TRIM54: variants seen among roughly 807,000 people sequenced by gnomAD.
TRIM54 encodes the protein tripartite motif containing 54.
In TRIM54, 40 loss-of-function variants were observed where a neutral mutation model predicts 42.0. That is an observed-to-expected ratio of 0.95 (90% CI 0.74 to 1.24). The LOEUF (loss-of-function observed/expected upper bound fraction) is 1.24, where lower values mean the gene tolerates loss of function less well. TRIM54 is among the 50% of genes most tolerant of loss of function. The pLI is 0.00. For missense variants in TRIM54, 485 were observed against 480.3 expected (o/e 1.01, Z -0.09); for synonymous variants, 199 against 194.9 (o/e 1.02, Z -0.17).
In TRIM54 at chr2:27,306,398, C is replaced by A; in HGVS notation, c.992-58C>A. ...CGGACCCTCTGTGTGGGGGGTGCGG[C>A]GGGCACGATGGCCGTAAAGGCAGGG... On this transcript the variant is annotated intron_variant, in intron 7 of 8. Coordinates refer to ENST00000380075, the MANE Select transcript of TRIM54 (RefSeq NM_187841.3). The surrounding 1 kb of genome is among the most constrained non-coding windows in gnomAD (Gnocchi z 6.1). The A allele has an allele frequency of 6.2e-7, 1 of 1,612,826 alleles. No homozygotes were observed. Among genetic ancestry groups the A allele is most frequent in the Admixed American group, 1.7e-5 (1 of 59,878 alleles).
At chr2:27,288,071 A>G (rs957243286) in intron 1 of TRIM54, among the ~76,000 whole-genome samples, 3 of 152,244 alleles carry the variant, frequency 2.0e-5, no homozygotes, top group East Asian at 1.9e-4. Flanking sequence ...AGTCCCTCTT[A>G]TACCTGCAGC....
In TRIM54 at chr2:27,305,067, TGGAG is replaced by T. The variant is rs759727349; in HGVS notation, c.609+23_609+26del. 6 of 1,611,116 alleles carry T rather than the reference TGGAG, an allele frequency of 3.7e-6. No individual in the cohort carries two copies. Among genetic ancestry groups the T allele is most frequent in the Non-Finnish European group, 5.1e-6 (6 of 1,178,014 alleles). On this transcript the variant is annotated intron_variant, in intron 4 of 8. Coordinates refer to ENST00000380075, the MANE Select transcript of TRIM54 (RefSeq NM_187841.3). ...CCAGACTATCGAGGTGAGCCTGGGC[TGGAG>T]GGAGGGAGGAACAGCAACTGGCTAG...
chr2:27,302,895 T>C (rs1235180708), intron 3 of TRIM54, among the ~76,000 whole-genome samples: 1 of 152,190 alleles, frequency 6.6e-6, no homozygotes, highest in Non-Finnish European at 1.5e-5. Context: ...GCCCTCACTT[T>C]CCTCATGTGT....
Position 27,307,259 on chromosome 2 carries a change from T to A in TRIM54, c.*374T>A, listed in dbSNP as rs1172662461. 2 of 563,424 alleles carry A rather than the reference T, an allele frequency of 3.5e-6. No individual in the cohort carries two copies. The highest frequency in any genetic ancestry group is 4.8e-4 in the Middle Eastern group (1 of 2,078). 34.9% of individuals were successfully genotyped at this position (563,424 alleles called of 1,614,324 possible). A position where few individuals can be genotyped will look rare whatever the true frequency, so the allele number is the denominator to read the frequency against. Reference sequence around the variant, plus strand: ...GATTTGGGGACCCTTGGGGTCCACATGCACCTGGCTGACCTGGCTGAAAGC... The same window carrying A: ...GATTTGGGGACCCTTGGGGTCCACAAGCACCTGGCTGACCTGGCTGAAAGC... On this transcript the variant is annotated 3_prime_UTR_variant, in exon 9 of 9. Transcript: ENST00000380075. This position sits in a 1 kb window ranked among gnomAD's most constrained non-coding sequence, Gnocchi z 6.9.
rs1008601800 is a variant in TRIM54, at chr2:27,306,950, C to T, written c.*65C>T. ...GAGTCGGGGAGGATCTGCGCAGAGA[C>T]CGCAGCATCACCCAAATCGGCGCCG... On this transcript the variant is annotated 3_prime_UTR_variant, in exon 9 of 9. Transcript: ENST00000380075. This position sits in a 1 kb window ranked among gnomAD's most constrained non-coding sequence, Gnocchi z 6.1. The T allele has an allele frequency of 5.6e-5, 15 of 268,984 alleles. No individual in the cohort carries two copies. Among genetic ancestry groups the T allele is most frequent in the African/African-American group, 3.2e-4 (14 of 44,336 alleles). 16.7% of individuals were successfully genotyped at this position (268,984 alleles called of 1,614,324 possible).
Position 27,306,513 on chromosome 2 carries a change from C to T in TRIM54, c.1049C>T (p.Pro350Leu), listed in dbSNP as rs748674441. 5.4e-5 allele frequency: 84 copies of T among 1,568,430 alleles called. No individual in the cohort carries two copies. The highest frequency in any genetic ancestry group is 1.9e-4 in the Middle Eastern group (1 of 5,172). ...GACGGAGAGGAGGGCAGCGCGGGGC[C>T]GGAGGAAGAGCGGCCGGATGGGCCT... The part of the protein sequence containing the change: ...APDGEEGSAG[P>L]EEERPDGP The change falls in exon 8 of 9, where the codon CCG becomes CTG. Residue 350 changes from proline (P) to leucine (L), a missense_variant. Physicochemically the swap from Pro to Leu is moderately conservative, Grantham distance 98 (BLOSUM62 -3). Coordinates refer to ENST00000380075, the MANE Select transcript of TRIM54 (RefSeq NM_187841.3). The surrounding 1 kb of genome is among the most constrained non-coding windows in gnomAD (Gnocchi z 6.1).
chr2:27,299,330 G>T lies in TRIM54; in HGVS notation c.427G>T (p.Val143Leu). ...KINIYCLSCE[V>L]PTCSLCKVFG... The stretch of plus-strand genomic sequence containing the variant: ...CAATATTTACTGCCTGAGCTGTGAG[G>T]TGCCCACCTGCTCTCTCTGCAAGGT... The change falls in exon 3 of 9, where the codon GTG (valine) becomes TTG (leucine). Residue 143 changes from valine to leucine, a missense_variant. By Grantham distance (32) the Val-to-Leu change is conservative. Coordinates refer to ENST00000380075, the MANE Select transcript of TRIM54 (RefSeq NM_187841.3). 6.2e-7 allele frequency: 1 copy of T among 1,614,138 alleles called. No homozygotes were observed. The highest frequency in any genetic ancestry group is 8.5e-7 in the Non-Finnish European group (1 of 1,180,032).
rs529835226 is a variant in TRIM54, at chr2:27,299,343, C to G, written c.440C>G (p.Ser147Cys). The change falls in exon 3 of 9, where the codon TCT becomes TGT. Residue 147 changes from serine (S) to cysteine (C), a missense_variant. Ser to Cys is a moderately radical substitution (Grantham distance 112). Transcript: ENST00000380075. ...YCLSCEVPTC[S>C]LCKVFGAHKD... ...CTGAGCTGTGAGGTGCCCACCTGCT[C>G]TCTCTGCAAGGTCTTCGGTGCCCAC... 1.9e-6 allele frequency: 3 copies of G among 1,614,164 alleles called. No homozygotes were observed. Among genetic ancestry groups the G allele is most frequent in the Non-Finnish European group, 2.5e-6 (3 of 1,180,042 alleles).
In TRIM54 at chr2:27,305,811, T is replaced by C; in HGVS notation, c.837T>C (p.Tyr279=). The change falls in exon 5 of 9, where the codon TAT becomes TAC. Residue 279 remains tyrosine, a synonymous_variant. Coordinates refer to ENST00000380075, the MANE Select transcript of TRIM54 (RefSeq NM_187841.3). ...QSMEEPQMAL[Y]LQQAKELINK... is the part of the protein sequence containing the mutation. ...TGGAAGAGCCACAAATGGCGCTGTATCTCCAGGTGGGCTCTAGGGGAGGGT... is the reference window on the plus strand; with the variant it reads ...TGGAAGAGCCACAAATGGCGCTGTACCTCCAGGTGGGCTCTAGGGGAGGGT... 6.3e-7 allele frequency: 1 copy of C among 1,598,282 alleles called. No homozygotes were observed. The highest frequency in any genetic ancestry group is 8.5e-7 in the Non-Finnish European group (1 of 1,172,416).
chr2:27,299,341 C>G lies in TRIM54; in HGVS notation c.438C>G (p.Cys146Trp). ...IYCLSCEVPT[C>W]SLCKVFGAHK... is the part of the protein sequence containing the mutation. ...GCCTGAGCTGTGAGGTGCCCACCTG[C>G]TCTCTCTGCAAGGTCTTCGGTGCCC... is the stretch of plus-strand genomic sequence containing the variant. The change falls in exon 3 of 9, where the codon TGC (cysteine) becomes TGG (tryptophan). Residue 146 changes from cysteine to tryptophan, a missense_variant. Cys to Trp is a radical substitution (Grantham distance 215). Coordinates refer to ENST00000380075, the MANE Select transcript of TRIM54 (RefSeq NM_187841.3). The G allele has an allele frequency of 8.1e-6, 13 of 1,614,154 alleles. No individual in the cohort carries two copies. The highest frequency in any genetic ancestry group is 1.1e-5 in the Non-Finnish European group (13 of 1,180,040).
At chr2:27,293,816 G>A (rs1678789177) in intron 1 of TRIM54, among the ~76,000 whole-genome samples, 2 of 152,140 alleles carry the variant, frequency 1.3e-5, no homozygotes, top group Admixed American at 1.3e-4. Context: ...GAGGTCAGGA[G>A]TTCAAGACCA....
chr2:27,289,335 T>A (rs1678658411), intron 1 of TRIM54, among the ~76,000 whole-genome samples: 1 of 152,146 alleles, frequency 6.6e-6, no homozygotes, highest in African/African-American at 2.4e-5. Flanking sequence ...AAAAATTAAT[T>A]CTTGGAAGGG....
chr2:27,283,781 C>A (rs992627882), intron 1 of TRIM54, among the ~76,000 whole-genome samples: 1 of 83,784 alleles, frequency 1.2e-5, no homozygotes, highest in Admixed American at 1.2e-4. Flanking sequence ...CACACACACG[C>A]GCGCACACAC....
At chr2:27,290,522 C>T (rs765361519) in intron 1 of TRIM54, among the ~76,000 whole-genome samples, 3 of 152,058 alleles carry the variant, frequency 2.0e-5, no homozygotes, top group African/African-American at 2.4e-5. Context: ...AAAAATTAGC[C>T]GGGCATGGTG....
intron 5 of TRIM54, 114 bp from the exon 6 acceptor site, chr2:27,305,966 A>C: frequency 6.8e-7 from 1 of 1,467,080 alleles, no homozygotes; most frequent in Non-Finnish European, 9.3e-7. Context: ...TTTCTGCTTA[A>C]CGAATTGGGA....
rs748881456 is a variant in TRIM54, at chr2:27,306,349, G to A, written c.991+12G>A. 41 of 1,613,924 alleles carry A rather than the reference G, an allele frequency of 2.5e-5. No individual in the cohort carries two copies. Among genetic ancestry groups the A allele is most frequent in the Non-Finnish European group, 3.4e-5 (40 of 1,179,960 alleles). On this transcript the variant is annotated intron_variant, in intron 7 of 8. Transcript: ENST00000380075. This position sits in a 1 kb window ranked among gnomAD's most constrained non-coding sequence, Gnocchi z 6.1. ...CGACTTCCAGCCAGGTGAAGGAGGT[G>A]GCCGAGGGCCGCTGAGACGGGTTCG...
chr2:27,283,122 C>T lies in TRIM54; in HGVS notation c.168+223C>T, dbSNP rs140812383. On this transcript the variant is annotated intron_variant, in intron 1 of 8. Coordinates refer to ENST00000380075, the MANE Select transcript of TRIM54 (RefSeq NM_187841.3). ...CTGGCAGGTACAGCCTGTGCATAGA[C>T]GGCAGCTGGAGTGCTGGGATCTACC... Among the ~76,000 whole-genome samples the T allele has an allele frequency of 4.1e-3, 622 of 152,188 alleles. 5 individuals are homozygous for T. Among genetic ancestry groups the T allele is most frequent in the African/African-American group, 0.014 (592 of 41,530 alleles).
rs984625328 is a variant in TRIM54, at chr2:27,298,773, C to G, written c.341+34C>G. On this transcript the variant is annotated intron_variant, in intron 2 of 8. Transcript: ENST00000380075. Reference sequence around the variant, plus strand: ...CCAGAGTCTCTTGCCTCTCTCATGACAGGGCTTGGGACACAGCCAAGGAAC... The same window carrying G: ...CCAGAGTCTCTTGCCTCTCTCATGAGAGGGCTTGGGACACAGCCAAGGAAC... The G allele has an allele frequency of 3.1e-6, 5 of 1,606,388 alleles. No homozygotes were observed. The Admixed American group carries it at 5.0e-5, about 16-fold the overall frequency.
chr2:27,294,051 C>T (rs1396672102), intron 1 of TRIM54, among the ~76,000 whole-genome samples: 2 of 152,058 alleles, frequency 1.3e-5, no homozygotes, highest in Non-Finnish European at 2.9e-5. Context: ...ATAACAACAA[C>T]AACAACAGTA....
Sources: gnomAD v4.1 joint callset for allele counts (sites outside exome capture counted in the v4.1 genomes callset) on GRCh38, gnomAD v4.1.1 for gene constraint, Gnocchi (gnomAD v3.1) non-coding constraint, MANE v1.5 for transcripts, NCBI Gene and HGNC (gene_info 2026-07-23, HGNC 2026-07-21) for gene names.